TMEM132D: variants seen among roughly 807,000 people sequenced by gnomAD.
TMEM132D encodes the protein transmembrane protein 132D.
Under a neutral mutation model 62.3 loss-of-function variants are expected in TMEM132D, and 21 were observed. The observed-to-expected ratio is 0.34, with a 90% CI of 0.24 to 0.49. The LOEUF is 0.49. Among genes scored for constraint, TMEM132D ranks in the 20% least tolerant of loss-of-function variants. The pLI is 0.99. For missense variants in TMEM132D, 1,346 were observed against 1,402.8 expected (o/e 0.96, Z 0.65); for synonymous variants, 621 against 575.6 (o/e 1.08, Z -1.13).
At chr12:129,550,254 A>G (rs1474156556) in intron 2 of TMEM132D, among the ~76,000 whole-genome samples, 1 of 152,076 alleles carries the variant, frequency 6.6e-6, no homozygotes, top group Non-Finnish European at 1.5e-5. Flanking sequence ...CTATATTTTT[A>G]CACTAAAAAA....
At chr12:129,176,223 T>A (rs1877901334) in intron 5 of TMEM132D, among the ~76,000 whole-genome samples, 1 of 152,224 alleles carries the variant, frequency 6.6e-6, no homozygotes, top group African/African-American at 2.4e-5. Context: ...CCACCAGGTA[T>A]CTGCTCAGTG....
chr12:129,678,914 T>C (rs138957907), intron 2 of TMEM132D, among the ~76,000 whole-genome samples: 51 of 152,198 alleles, frequency 3.4e-4, no homozygotes, highest in Non-Finnish European at 6.0e-4. Flanking sequence ...AGCTTCGTCA[T>C]ACAAAATCTC....
At chr12:129,416,358 A>G (rs973075543) in intron 3 of TMEM132D, among the ~76,000 whole-genome samples, 9 of 151,954 alleles carry the variant, frequency 5.9e-5, no homozygotes, top group African/African-American at 2.2e-4. Flanking sequence ...CTCTCTGTCT[A>G]TTATTGGTAT....
intron 2 of TMEM132D, among the ~76,000 whole-genome samples, chr12:129,649,518 A>ATAAC (rs1330388742): frequency 6.6e-6 from 1 of 152,178 alleles, no homozygotes; most frequent in Non-Finnish European, 1.5e-5. Flanking sequence ...AATAATTATG[A>ATAAC]TAACTATAAA....
chr12:129,446,755 T>C lies in TMEM132D; in HGVS notation c.1115+84304A>G, dbSNP rs1873109047. ...TGCTGTCAAAAATATATTCCAGGCTTTGATTTTTCACAATTTCCCCCTCTC... is the reference window on the plus strand; with the variant it reads ...TGCTGTCAAAAATATATTCCAGGCTCTGATTTTTCACAATTTCCCCCTCTC... On this transcript the variant is annotated intron_variant, in intron 3 of 8. Transcript: ENST00000422113. Among the ~76,000 whole-genome samples the C allele has an allele frequency of 2.0e-5, 3 of 152,158 alleles. No individual in the cohort carries two copies. The South Asian group carries it at 6.2e-4, about 32-fold the overall frequency.
intron 2 of TMEM132D, among the ~76,000 whole-genome samples, chr12:129,693,256 T>C (rs1312281774): frequency 6.6e-6 from 1 of 152,070 alleles, no homozygotes; most frequent in Non-Finnish European, 1.5e-5. Flanking sequence ...ATAGCCAGAG[T>C]GGGAAAATTT....
chr12:129,377,098 C>A (rs1327876603), intron 3 of TMEM132D, among the ~76,000 whole-genome samples: 1 of 152,146 alleles, frequency 6.6e-6, no homozygotes, highest in Non-Finnish European at 1.5e-5. Flanking sequence ...TCTCAGTTTA[C>A]CTTTTTAACA....
intron 4 of TMEM132D, among the ~76,000 whole-genome samples, chr12:129,260,895 T>A (rs1326495768): frequency 1.3e-5 from 2 of 152,232 alleles, no homozygotes; most frequent in Non-Finnish European, 2.9e-5. Flanking sequence ...TACACCACAT[T>A]TTCTTTATCC....
At chr12:129,572,858 C>G (rs980561379) in intron 2 of TMEM132D, among the ~76,000 whole-genome samples, 1 of 152,030 alleles carries the variant, frequency 6.6e-6, no homozygotes, top group Non-Finnish European at 1.5e-5. Context: ...AATTTCGTGG[C>G]TTTCAAGTAA....
At chr12:129,590,518 G>A (rs1351693508) in intron 2 of TMEM132D, among the ~76,000 whole-genome samples, 4 of 152,178 alleles carry the variant, frequency 2.6e-5, no homozygotes, top group African/African-American at 4.8e-5. Context: ...GTAAGAATCT[G>A]GCAACATGTC....
chr12:129,385,063 A>AGCAT (rs1315122124), intron 3 of TMEM132D, among the ~76,000 whole-genome samples: 1 of 145,622 alleles, frequency 6.9e-6, no homozygotes, highest in Non-Finnish European at 1.5e-5. Flanking sequence ...CATCCAAATG[A>AGCAT]GCATTTTACA....
intron 3 of TMEM132D, among the ~76,000 whole-genome samples, chr12:129,468,954 G>T (rs1235259214): frequency 6.6e-6 from 1 of 152,190 alleles, no homozygotes; most frequent in Non-Finnish European, 1.5e-5. Flanking sequence ...TCTGAAGGAA[G>T]CCAAGTGGTA....
At chr12:129,648,864 A>AT (rs987470607) in intron 2 of TMEM132D, among the ~76,000 whole-genome samples, 12 of 152,218 alleles carry the variant, frequency 7.9e-5, no homozygotes, top group African/African-American at 2.2e-4. Flanking sequence ...TTTATAAAAA[A>AT]ATATATATAT....
chr12:129,357,398 C>T (rs542548088), intron 3 of TMEM132D, among the ~76,000 whole-genome samples: 12 of 117,378 alleles, frequency 1.0e-4, no homozygotes, highest in African/African-American at 3.3e-4. Context: ...AAGGAAGGAA[C>T]GAAGGAAGGA....
At chr12:129,367,796 G>A (rs199611525) in intron 3 of TMEM132D, among the ~76,000 whole-genome samples, 8 of 69,560 alleles carry the variant, frequency 1.2e-4, no homozygotes, top group African/African-American at 1.6e-4. Context: ...TTTTTTTTTC[G>A]TTTTTTTGAG....
intron 4 of TMEM132D, among the ~76,000 whole-genome samples, chr12:129,275,091 T>G (rs1880969146): frequency 1.3e-5 from 2 of 151,960 alleles, no homozygotes; most frequent in Admixed American, 1.3e-4. Flanking sequence ...ACTAGCCTGG[T>G]CAACAGTGTG....
At chr12:129,783,324 C>G (rs1362838798) in intron 1 of TMEM132D, among the ~76,000 whole-genome samples, 1 of 152,176 alleles carries the variant, frequency 6.6e-6, no homozygotes, top group Admixed American at 6.5e-5. Context: ...GTTGGAAACA[C>G]ACTAGAAAAA....
chr12:129,636,926 A>G (rs982809529), intron 2 of TMEM132D, among the ~76,000 whole-genome samples: 2 of 152,142 alleles, frequency 1.3e-5, no homozygotes, highest in Admixed American at 6.5e-5. Context: ...AATTTGTAGC[A>G]TACCCATAAT....
chr12:129,242,050 G>A (rs1324082872), intron 4 of TMEM132D, among the ~76,000 whole-genome samples: 4 of 152,160 alleles, frequency 2.6e-5, no homozygotes, highest in Non-Finnish European at 4.4e-5. Context: ...CGGCCAAGGG[G>A]CACTTAGTGG....
Sources: allele counts gnomAD v4.1 joint callset (sites outside exome capture counted in the v4.1 genomes callset), GRCh38; gene constraint gnomAD v4.1.1; transcripts MANE v1.5; gene names NCBI Gene and HGNC (gene_info 2026-07-23, HGNC 2026-07-21).